The following RUVBL1 variants were observed in gnomAD, a reference collection of about 807,000 sequenced individuals.
RUVBL1 encodes the protein RuvB like AAA ATPase 1.
RUVBL1 carries 4 observed loss-of-function variants against 52.4 expected under a neutral mutation model. That is an observed-to-expected ratio of 0.08 (90% CI 0.04 to 0.17). The LOEUF (loss-of-function observed/expected upper bound fraction) is 0.17, where lower values mean the gene tolerates loss of function less well. Ranked by LOEUF, RUVBL1 falls within the 10% of genes least tolerant of loss-of-function variation. The pLI, the probability that RUVBL1 is intolerant of heterozygous loss-of-function variation, is 1.00. For synonymous variants in RUVBL1, 217 were observed against 214.4 expected, an observed-to-expected ratio of 1.01 and a Z score of -0.10; for missense variants, 298 against 572.8, an observed-to-expected ratio of 0.52 and a Z score of 4.90.
Position 128,082,391 on chromosome 3 carries a change from A to G in RUVBL1, c.1211+92T>C, listed in dbSNP as rs908328105. On this transcript the variant is annotated intron_variant, in intron 10 of 10. Coordinates refer to ENST00000322623, the MANE Select transcript of RUVBL1 (RefSeq NM_003707.3). The surrounding 1 kb of genome is among the most constrained non-coding windows in gnomAD (Gnocchi z 4.7). Reference sequence around the variant, plus strand: ...GCGGATGGATAGAGTCCCATGCCCTAGGAAGGGACCTGCCTTTATTGTCCA... The same window carrying G: ...GCGGATGGATAGAGTCCCATGCCCTGGGAAGGGACCTGCCTTTATTGTCCA... 4 of 947,042 alleles carry G rather than the reference A, an allele frequency of 4.2e-6. No individual in the cohort carries two copies. The African/African-American group carries it at 6.5e-5, about 15-fold the overall frequency. 58.7% of individuals were successfully genotyped at this position (947,042 alleles called of 1,614,324 possible).
intron 1 of RUVBL1, among the ~76,000 whole-genome samples, chr3:128,123,179 CAAGAT>C (rs1248426661): frequency 6.6e-6 from 1 of 152,188 alleles, no homozygotes; most frequent in Admixed American, 6.5e-5. Flanking sequence ...CTAACCCCAC[CAAGAT>C]AAGATAATTA....
intron 3 of RUVBL1, among the ~76,000 whole-genome samples, chr3:128,111,220 A>T (rs1296612966): frequency 3.2e-4 from 1 of 3,080 alleles, no homozygotes; most frequent in African/African-American, 2.8e-3. Context: ...ACTCTCTCTC[A>T]AAAAAAAAAA....
chr3:128,141,530 C>G (rs909383673), intron 1 of RUVBL1, among the ~76,000 whole-genome samples: 2 of 152,168 alleles, frequency 1.3e-5, no homozygotes, highest in African/African-American at 4.8e-5. Context: ...GAGTCTCGCT[C>G]TGTCACCCAG....
chr3:128,069,797 G>A lies in RUVBL1; in HGVS notation c.940-4577C>T. 6.2e-6 allele frequency: 5 copies of A among 800,600 alleles called. No individual in the cohort carries two copies. In the African/African-American group the frequency reaches 6.9e-5, roughly 11 times the overall value. The allele number at this position is 800,600 out of a possible 1,614,324, so 49.6% of individuals were successfully genotyped here. Reference sequence around the variant, plus strand: ...ATTTCGTATTCTTTCATTCCACTGTGTAAAGTGCTAGACATTTTCCAATTT... The same window carrying A: ...ATTTCGTATTCTTTCATTCCACTGTATAAAGTGCTAGACATTTTCCAATTT... On this transcript the variant is annotated intron_variant, in intron 9 of 9. Transcript: ENST00000464873.
Position 128,082,700 on chromosome 3 carries a change from G to A in RUVBL1, c.1120-126C>T. On this transcript the variant is annotated intron_variant, in intron 9 of 10. Coordinates refer to ENST00000322623, the MANE Select transcript of RUVBL1 (RefSeq NM_003707.3). The surrounding 1 kb of genome is among the most constrained non-coding windows in gnomAD (Gnocchi z 4.7). ...CATAAGAGAAACTGAGACCTGGGTTGGTGGGCAGGGAGCCAACGCCTGCCC... is the reference window on the plus strand; with the variant it reads ...CATAAGAGAAACTGAGACCTGGGTTAGTGGGCAGGGAGCCAACGCCTGCCC... The A allele has an allele frequency of 2.5e-6, 2 of 797,526 alleles. No individual in the cohort carries two copies. The highest frequency in any genetic ancestry group is 3.9e-6 in the Non-Finnish European group (2 of 512,608). 49.4% of individuals were successfully genotyped at this position (797,526 alleles called of 1,614,324 possible).
At chr3:128,133,343 G>A (rs1048806886) in intron 1 of RUVBL1, among the ~76,000 whole-genome samples, 3 of 152,310 alleles carry the variant, frequency 2.0e-5, no homozygotes, top group East Asian at 1.9e-4. Context: ...AAGGACATAA[G>A]CCTGGCTAGA....
At chr3:128,136,237 A>C (rs1000239752) in intron 1 of RUVBL1, among the ~76,000 whole-genome samples, 8 of 152,124 alleles carry the variant, frequency 5.3e-5, no homozygotes, top group Non-Finnish European at 7.4e-5. Context: ...GAAAAAAAAA[A>C]CCAAAATGAC....
At chr3:128,116,850 T>C (rs1409017813) in intron 2 of RUVBL1, among the ~76,000 whole-genome samples, 5 of 152,200 alleles carry the variant, frequency 3.3e-5, no homozygotes, top group African/African-American at 4.8e-5. Flanking sequence ...TGAGACACCA[T>C]TCTCTCCCTG....
chr3:128,136,496 T>C (rs1943949080), intron 1 of RUVBL1, among the ~76,000 whole-genome samples: 4 of 151,786 alleles, frequency 2.6e-5, no homozygotes, highest in Non-Finnish European at 5.9e-5. Context: ...CATGGTGGCA[T>C]GCACCTGTAG....
At chr3:128,150,728 CTA>C (rs1182642718) in intron 1 of RUVBL1, among the ~76,000 whole-genome samples, 10 of 109,414 alleles carry the variant, frequency 9.1e-5, no homozygotes, top group Non-Finnish European at 1.7e-4. Context: ...ATTATATATT[CTA>C]TATATATTCT....
intron 1 of RUVBL1, among the ~76,000 whole-genome samples, chr3:128,120,634 G>A (rs1320383772): frequency 6.6e-6 from 1 of 152,184 alleles, no homozygotes; most frequent in South Asian, 2.1e-4. Flanking sequence ...TCTTCTCTCT[G>A]GGCAGTGACC....
At chr3:128,153,290 A>C in exon 1 of RUVBL1, 1 of 1,356,902 alleles carries the variant, frequency 7.4e-7, no homozygotes. Flanking sequence ...CACGTGAGAG[A>C]GAAACCCTGC....
downstream of RUVBL1, chr3:128,075,835 TGA>T (rs1178155565): frequency 1.3e-5 from 2 of 152,328 alleles, no homozygotes; most frequent in Admixed American, 6.5e-5. Flanking sequence ...AGGGGAAAAG[TGA>T]GAGTGGCTGG....
intron 1 of RUVBL1, among the ~76,000 whole-genome samples, chr3:128,141,236 C>T (rs546134662): frequency 4.5e-4 from 68 of 152,318 alleles, no homozygotes; most frequent in African/African-American, 1.3e-3. Flanking sequence ...AACCAAGGTT[C>T]GTCTGGGAAC....
intron 3 of RUVBL1, among the ~76,000 whole-genome samples, chr3:128,108,159 C>T (rs1376331218): frequency 6.6e-6 from 1 of 152,220 alleles, no homozygotes; most frequent in Non-Finnish European, 1.5e-5. Flanking sequence ...GGAAATAGCA[C>T]AGACTCCCTG....
chr3:128,124,388 G>A (rs1943749436), upstream of RUVBL1, among the ~76,000 whole-genome samples: 1 of 151,556 alleles, frequency 6.6e-6, no homozygotes, highest in South Asian at 2.1e-4. Context: ...GCCCTGTAAG[G>A]TAGTGTAATT....
At chr3:128,064,932 A>G (rs987226235) in exon 10 of RUVBL1, 6 of 1,614,046 alleles carry the variant, frequency 3.7e-6, no homozygotes, top group Admixed American at 1.7e-5. Flanking sequence ...CCACACGCAC[A>G]GACAAGGTCC....
chr3:128,142,439 T>C (rs1455800731), intron 1 of RUVBL1, among the ~76,000 whole-genome samples: 1 of 152,200 alleles, frequency 6.6e-6, no homozygotes, highest in Non-Finnish European at 1.5e-5. Flanking sequence ...TTAGGAGCCA[T>C]CCATTTAATC....
In RUVBL1 at chr3:128,081,051, G is replaced by A. The variant is rs1942458715; in HGVS notation, c.*199C>T. ...TGAAGATTTATAGAAAACACACCAG[G>A]TAAGGAAGGGTTCTTTCAAAGCAAC... On this transcript the variant is annotated 3_prime_UTR_variant, in exon 11 of 11. Transcript: ENST00000322623. The surrounding 1 kb of genome is among the most constrained non-coding windows in gnomAD (Gnocchi z 4.8). The A allele has an allele frequency of 3.8e-6, 2 of 526,180 alleles. No individual in the cohort carries two copies. Among genetic ancestry groups the A allele is most frequent in the South Asian group, 6.0e-5 (2 of 33,258 alleles). 32.6% of individuals were successfully genotyped at this position (526,180 alleles called of 1,614,324 possible).
Sources: allele counts gnomAD v4.1 joint callset (sites outside exome capture counted in the v4.1 genomes callset), GRCh38; gene constraint gnomAD v4.1.1; non-coding constraint Gnocchi (gnomAD v3.1); transcripts MANE v1.5; gene names NCBI Gene and HGNC (gene_info 2026-07-23, HGNC 2026-07-21).